Variants in GPSM2 observed in about 807,000 individuals in gnomAD.
GPSM2 encodes the protein G protein-signaling modulator 2.
A neutral mutation model predicts 78.4 loss-of-function variants in GPSM2; 58 were observed. That is an observed-to-expected ratio of 0.74 (90% CI 0.60 to 0.92). The LOEUF (loss-of-function observed/expected upper bound fraction) is 0.92, where lower values mean the gene tolerates loss of function less well. Among genes scored for constraint, GPSM2 ranks in the 40% least tolerant of loss-of-function variants. The pLI is 0.00. For missense variants in GPSM2, 700 were observed against 815.5 expected, an observed-to-expected ratio of 0.86 and a Z score of 1.73; for synonymous variants, 224 against 280.2, an observed-to-expected ratio of 0.80 and a Z score of 2.00.
intron 11 of GPSM2, among the ~76,000 whole-genome samples, chr1:108,917,609 C>T (rs1376694502): frequency 5.5e-5 from 5 of 90,188 alleles, no homozygotes; most frequent in African/African-American, 1.6e-4. Context: ...CACACACACA[C>T]ACATATATAT....
chr1:108,898,251 C>A, intron 5 of GPSM2, 150 bp downstream of exon 5: 1 of 787,224 alleles, frequency 1.3e-6, no homozygotes, highest in Non-Finnish European at 2.1e-6. Context: ...TTAAATGTTA[C>A]AGTGTTATAT....
intron 12 of GPSM2, among the ~76,000 whole-genome samples, chr1:108,919,644 G>C (rs1339718816): frequency 6.6e-6 from 1 of 152,082 alleles, no homozygotes; most frequent in Admixed American, 6.6e-5. Context: ...GGTGGAGGTT[G>C]CAGTGAGCTG....
chr1:108,928,518 A>G (rs1028400526), intron 14 of GPSM2, among the ~76,000 whole-genome samples: 18 of 152,360 alleles, frequency 1.2e-4, no homozygotes, highest in Admixed American at 1.2e-3. Context: ...GTGGGCTTAA[A>G]TGTTCAGGGA....
chr1:108,898,947 T>C lies in GPSM2; in HGVS notation c.750T>C (p.Asn250=), dbSNP rs1230684013. ...AERRAYSNLG[N]AYIFLGEFET... ...GAAGAGCATATAGCAACCTTGGAAA[T>C]GCATATATATTTCTTGGTGAATTTG... The change falls in exon 7 of 15, where the codon AAT becomes AAC. Residue 250 remains asparagine, a synonymous_variant. Transcript: ENST00000264126. 6.2e-7 allele frequency: 1 copy of C among 1,612,012 alleles called. No homozygotes were observed. Among genetic ancestry groups the C allele is most frequent in the Admixed American group, 1.7e-5 (1 of 60,004 alleles).
At chr1:108,919,078 GCTCA>G (rs1222903410) in intron 12 of GPSM2, among the ~76,000 whole-genome samples, 2 of 151,788 alleles carry the variant, frequency 1.3e-5, no homozygotes, top group African/African-American at 4.8e-5. Flanking sequence ...CGCAATCTCA[GCTCA>G]CTGTGACCTC....
At chr1:108,923,559 C>T (rs879361569) in intron 13 of GPSM2, among the ~76,000 whole-genome samples, 5 of 152,166 alleles carry the variant, frequency 3.3e-5, no homozygotes, top group Non-Finnish European at 7.3e-5. Flanking sequence ...CTTCTTGTAC[C>T]ATAGACCAAG....
chr1:108,923,119 TA>T (rs2101545302), intron 13 of GPSM2, among the ~76,000 whole-genome samples: 2 of 152,282 alleles, frequency 1.3e-5, no homozygotes, highest in South Asian at 4.1e-4. Context: ...CCTTGTCCTC[TA>T]CTCTTGGGCT....
intron 10 of GPSM2, among the ~76,000 whole-genome samples, chr1:108,911,715 G>A (rs1381607115): frequency 6.6e-6 from 1 of 150,538 alleles, no homozygotes; most frequent in African/African-American, 2.4e-5. Flanking sequence ...AAAGAAATAG[G>A]AAAATCTACA....
chr1:108,918,192 T>A (rs1650425285), intron 11 of GPSM2, among the ~76,000 whole-genome samples: 1 of 152,164 alleles, frequency 6.6e-6, no homozygotes, highest in Admixed American at 6.5e-5. Context: ...TACCGTTTTA[T>A]TTTTTAAAAT....
rs1199413678 is a variant in GPSM2 at position 108,932,946 on chromosome 1, G to A, written c.*3006G>A. ...AGGTCTTGCTCTGTCACCCAGGCTG[G>A]AGTACAGTGGCTCGATCATAACTCA... On this transcript the variant is annotated 3_prime_UTR_variant, in exon 15 of 15. Transcript: ENST00000264126. The A allele has an allele frequency of 6.6e-6, 1 of 152,182 alleles. No homozygotes were observed. The highest frequency in any genetic ancestry group is 6.5e-5 in the Admixed American group (1 of 15,280). 9.4% of individuals were successfully genotyped at this position (152,182 alleles called of 1,614,324 possible).
chr1:108,903,018 AT>A, intron 8 of GPSM2, 107 bp from the exon 9 acceptor site: 1 of 713,634 alleles, frequency 1.4e-6, no homozygotes, highest in South Asian at 1.5e-5. Context: ...GAAAGACCAA[AT>A]CAATCCAAAG....
chr1:108,919,905 C>T (rs1323658035), intron 12 of GPSM2, among the ~76,000 whole-genome samples: 1 of 152,154 alleles, frequency 6.6e-6, no homozygotes, highest in African/African-American at 2.4e-5. Context: ...GTGGCTCATG[C>T]CTGTAATCCC....
At chr1:108,900,595 G>A (rs1217010630) in intron 7 of GPSM2, among the ~76,000 whole-genome samples, 2 of 152,110 alleles carry the variant, frequency 1.3e-5, no homozygotes, top group African/African-American at 2.4e-5. Flanking sequence ...ATATCCTTCC[G>A]GATACAAAGC....
intron 3 of GPSM2, 77 bp downstream of exon 3, chr1:108,897,162 C>CA: frequency 9.4e-7 from 1 of 1,063,096 alleles, no homozygotes; most frequent in Non-Finnish European, 1.4e-6. Context: ...ATTCAATTAA[C>CA]AAAAACTAAC....
intron 1 of GPSM2, 67 bp downstream of exon 1, chr1:108,877,295 GGTGCGTGTGC>G (rs1231693835): frequency 6.6e-6 from 1 of 152,336 alleles, no homozygotes; most frequent in Non-Finnish European, 1.5e-5. Flanking sequence ...GACAGGGAGG[GGTGCGTGTGC>G]GTGCGTGTGG....
intron 2 of GPSM2, among the ~76,000 whole-genome samples, chr1:108,891,803 C>T (rs776342741): frequency 6.6e-6 from 1 of 151,848 alleles, no homozygotes; most frequent in Admixed American, 6.6e-5. Context: ...CTGCACCCAG[C>T]CTCAGAGGGT....
rs769639028 is a variant in GPSM2, at chr1:108,932,459, G to A, written c.*2519G>A. ...CATCATTCAACAACAGTTGCATGTC[G>A]CCTTGCTAGCTGTCAAAGTAGACTT... On this transcript the variant is annotated 3_prime_UTR_variant, in exon 15 of 15. Transcript: ENST00000264126. 3.9e-5 allele frequency: 6 copies of A among 152,018 alleles called. No homozygotes were observed. Among genetic ancestry groups the A allele is most frequent in the Non-Finnish European group, 7.4e-5 (5 of 68,020 alleles). The allele number at this position is 152,018 out of a possible 1,614,324, so 9.4% of individuals were successfully genotyped here.
At chr1:108,899,233 T>C (rs1450424521) in intron 7 of GPSM2, among the ~76,000 whole-genome samples, 1 of 152,224 alleles carries the variant, frequency 6.6e-6, no homozygotes, top group African/African-American at 2.4e-5. Flanking sequence ...TACATAAGAT[T>C]TAATAGCAGC....
At chr1:108,911,799 ATTTT>A (rs71069618) in intron 10 of GPSM2, among the ~76,000 whole-genome samples, 4 of 108,718 alleles carry the variant, frequency 3.7e-5, no homozygotes, top group African/African-American at 7.3e-5. Context: ...TGGGAAGACA[ATTTT>A]TTTTTTTTTT....
Sources: allele counts gnomAD v4.1 joint callset (sites outside exome capture counted in the v4.1 genomes callset), GRCh38; gene constraint gnomAD v4.1.1; transcripts MANE v1.5; gene names NCBI Gene and HGNC (gene_info 2026-07-23, HGNC 2026-07-21).